The following CSMD1 variants were observed in gnomAD, a reference collection of about 807,000 sequenced individuals.
CSMD1 encodes the protein CUB and Sushi multiple domains 1, also known as CUB and sushi domain-containing protein 1.
A neutral mutation model predicts 417.5 loss-of-function variants in CSMD1; 213 were observed. That is an observed-to-expected ratio of 0.51 (90% CI 0.46 to 0.57). The LOEUF (loss-of-function observed/expected upper bound fraction) is 0.57. Among genes scored for constraint, CSMD1 ranks in the 20% least tolerant of loss-of-function variants. The probability of loss-of-function intolerance (pLI) is 0.00; values close to 1 mark genes in which losing one functional copy is unlikely to be tolerated. For missense variants in CSMD1, 6,923 were observed against 4,529.7 expected (o/e 1.53, Z -15.17); for synonymous variants, 2,862 against 1,736.8 (o/e 1.65, Z -16.11).
chr8:3,161,499 A>C (rs1437017495), intron 38 of CSMD1, among the ~76,000 whole-genome samples: 1 of 151,666 alleles, frequency 6.6e-6, no homozygotes, highest in South Asian at 2.1e-4. Flanking sequence ...TGCCTGTAAT[A>C]CCAGCTACTT....
At chr8:4,993,387 T>G (rs1334869902) in intron 1 of CSMD1, among the ~76,000 whole-genome samples, 1 of 97,876 alleles carries the variant, frequency 1.0e-5, no homozygotes, top group Non-Finnish European at 3.0e-5. Context: ...ATTCTCTCTC[T>G]CTCTGTCTCT....
intron 10 of CSMD1, among the ~76,000 whole-genome samples, chr8:3,535,868 G>C (rs1031890037): frequency 1.3e-5 from 2 of 152,138 alleles, no homozygotes; most frequent in African/African-American, 2.4e-5. Flanking sequence ...CCCTGTTGTA[G>C]GTAGAACTCT....
intron 3 of CSMD1, among the ~76,000 whole-genome samples, chr8:4,309,273 G>C (rs73504618): frequency 0.011 from 1,604 of 152,038 alleles, 25 homozygotes; most frequent in African/African-American, 0.037. Context: ...TAATTATTCA[G>C]CTTCTTCAGA....
intron 3 of CSMD1, among the ~76,000 whole-genome samples, chr8:4,387,865 T>G (rs1304787855): frequency 6.6e-6 from 1 of 152,134 alleles, no homozygotes; most frequent in Non-Finnish European, 1.5e-5. Flanking sequence ...CAAATATTCT[T>G]TAATGTCCTT....
At chr8:4,776,477 G>A (rs751448413) in intron 1 of CSMD1, among the ~76,000 whole-genome samples, 1 of 152,146 alleles carries the variant, frequency 6.6e-6, no homozygotes, top group Non-Finnish European at 1.5e-5. Context: ...AGAACAAGAA[G>A]CAGAGTTGTG....
chr8:4,001,612 CCTGT>C (rs1815679286), intron 4 of CSMD1, among the ~76,000 whole-genome samples: 1 of 152,092 alleles, frequency 6.6e-6, no homozygotes, highest in Admixed American at 6.6e-5. Flanking sequence ...ATGTTATGCC[CCTGT>C]CTAATATTTG....
At chr8:4,727,231 C>T (rs1255488612) in intron 1 of CSMD1, among the ~76,000 whole-genome samples, 1 of 152,144 alleles carries the variant, frequency 6.6e-6, no homozygotes, top group Non-Finnish European at 1.5e-5. Context: ...CTCAGCAGGG[C>T]ACCCAAGCAT....
rs145442468 is a variant in CSMD1 at position 3,047,484 on chromosome 8, G to A, written c.7660+4978C>T. ...GCCTGATGCCCCATTCAGAGCACAC[G>A]CTCCAGGACGCTCAGTGAGGGGTTG... On this transcript the variant is annotated intron_variant, in intron 50 of 69. Coordinates refer to ENST00000635120, the MANE Select transcript of CSMD1 (RefSeq NM_033225.6). Among the ~76,000 whole-genome samples the A allele has an allele frequency of 1.6e-3, 251 of 152,216 alleles. 2 individuals are homozygous for A. The highest frequency in any genetic ancestry group is 5.2e-3 in the African/African-American group (217 of 41,542).
At chr8:4,168,142 AAT>A (rs569034543) in intron 3 of CSMD1, among the ~76,000 whole-genome samples, 1 of 12,272 alleles carries the variant, frequency 8.1e-5, no homozygotes, top group African/African-American at 1.3e-4. Context: ...AATAAAAAAA[AAT>A]ATACACACAC....
At chr8:3,295,251 A>G (rs946120131) in intron 25 of CSMD1, among the ~76,000 whole-genome samples, 1 of 151,962 alleles carries the variant, frequency 6.6e-6, no homozygotes, top group Admixed American at 6.6e-5. Context: ...CAGCCTCCCG[A>G]GTAGCTGGGA....
At chr8:3,268,869 A>G (rs957335059) in intron 26 of CSMD1, among the ~76,000 whole-genome samples, 2 of 152,116 alleles carry the variant, frequency 1.3e-5, no homozygotes, top group Non-Finnish European at 2.9e-5. Context: ...ACACCCTTCC[A>G]ACATGAGCTG....
At chr8:4,729,008 A>G (rs370245941) in intron 1 of CSMD1, among the ~76,000 whole-genome samples, 66 of 152,310 alleles carry the variant, frequency 4.3e-4, no homozygotes, top group African/African-American at 1.5e-3. Context: ...ATATAAATCT[A>G]GAAGGCGTTA....
At chr8:4,119,785 G>A (rs1365239914) in intron 3 of CSMD1, among the ~76,000 whole-genome samples, 1 of 152,098 alleles carries the variant, frequency 6.6e-6, no homozygotes, top group Admixed American at 6.5e-5. Flanking sequence ...AGCCTGAGCT[G>A]AGTAACAAAA....
intron 7 of CSMD1, among the ~76,000 whole-genome samples, chr8:3,706,735 T>C (rs1285219318): frequency 6.6e-6 from 1 of 152,172 alleles, no homozygotes; most frequent in Non-Finnish European, 1.5e-5. Context: ...GAACTTTAGA[T>C]CATTTGTGCA....
chr8:4,446,678 G>A (rs979203223), intron 2 of CSMD1, among the ~76,000 whole-genome samples: 2 of 151,888 alleles, frequency 1.3e-5, no homozygotes, highest in Non-Finnish European at 2.9e-5. Context: ...TCAGTCTCCT[G>A]AGTAGCTGCG....
intron 5 of CSMD1, among the ~76,000 whole-genome samples, chr8:3,947,604 T>C (rs900875430): frequency 6.6e-6 from 1 of 152,106 alleles, no homozygotes; most frequent in African/African-American, 2.4e-5. Context: ...GTGTTTTGTT[T>C]AGTTTCCAAA....
intron 11 of CSMD1, among the ~76,000 whole-genome samples, chr8:3,475,317 T>G (rs1817343247): frequency 6.6e-6 from 1 of 152,240 alleles, no homozygotes; most frequent in African/African-American, 2.4e-5. Context: ...TTGGCCACTT[T>G]ATCCCTAGTC....
intron 3 of CSMD1, among the ~76,000 whole-genome samples, chr8:4,262,747 C>CT (rs1197296575): frequency 3.3e-5 from 5 of 152,152 alleles, no homozygotes; most frequent in African/African-American, 1.2e-4. Context: ...TGAGGTTTTT[C>CT]TTTACTTCCT....
chr8:4,034,930 G>C (rs1449581611), intron 3 of CSMD1, among the ~76,000 whole-genome samples: 6 of 152,196 alleles, frequency 3.9e-5, no homozygotes, highest in African/African-American at 1.4e-4. Context: ...GTCACACACG[G>C]AAAATGCAAA....
Sources: allele counts gnomAD v4.1 joint callset (sites outside exome capture counted in the v4.1 genomes callset), GRCh38; gene constraint gnomAD v4.1.1; transcripts MANE v1.5; gene names NCBI Gene and HGNC (gene_info 2026-07-23, HGNC 2026-07-21).